The following EZH2 variants were observed in gnomAD, a reference collection of about 807,000 sequenced individuals.
EZH2 encodes enhancer of zeste 2 polycomb repressive complex 2 subunit, also known as histone-lysine N-methyltransferase EZH2.
EZH2 carries 18 observed loss-of-function variants against 98.4 expected under a neutral mutation model. That is an observed-to-expected ratio of 0.18 (90% CI 0.13 to 0.27). The LOEUF is 0.27. Ranked by LOEUF, EZH2 falls within the 10% of genes least tolerant of loss-of-function variation. The pLI, the probability that EZH2 is intolerant of heterozygous loss-of-function variation, is 1.00. For missense variants in EZH2, 470 were observed against 935.1 expected (o/e 0.50, Z 6.49); for synonymous variants, 338 against 312.3 (o/e 1.08, Z -0.87).
intron 12 of EZH2, 80 bp from the exon 13 acceptor site, chr7:148,815,626 TCTG>T: frequency 8.0e-7 from 1 of 1,252,064 alleles, no homozygotes; most frequent in Non-Finnish European, 1.2e-6. Context: ...ACTGGATCTA[TCTG>T]TGCCATGAAT....
chr7:148,877,402 G>A (rs1317597996), intron 1 of EZH2, among the ~76,000 whole-genome samples: 1 of 152,134 alleles, frequency 6.6e-6, no homozygotes, highest in Non-Finnish European at 1.5e-5. Context: ...GAAGTGTTTG[G>A]TTCCATTAAT....
rs145647456 is a variant in EZH2 at position 148,860,668 on chromosome 7, A to T, written c.-7-13363T>A. Among the ~76,000 whole-genome samples, 218 of 152,246 alleles carry T rather than the reference A, an allele frequency of 1.4e-3. 1 individual carries two copies. Among genetic ancestry groups the T allele is most frequent in the African/African-American group, 4.7e-3 (195 of 41,546 alleles). On this transcript the variant is annotated intron_variant, in intron 1 of 19. Transcript: ENST00000320356. ...AAAACTAAAGAGTTTTTTACAATTT[A>T]CTTTTATTTTATTTTATTTTTTTGA...
chr7:148,817,441 T>C (rs748403575), intron 10 of EZH2, 50 bp from the exon 11 acceptor site: 1 of 1,573,768 alleles, frequency 6.4e-7, no homozygotes, highest in Non-Finnish European at 8.7e-7. Flanking sequence ...GAAATAATAT[T>C]AAGAAGTACA....
intron 3 of EZH2, among the ~76,000 whole-genome samples, chr7:148,840,984 C>T (rs757081420): frequency 1.3e-5 from 2 of 152,038 alleles, no homozygotes; most frequent in Non-Finnish European, 2.9e-5. Context: ...TTATAAAACA[C>T]AAACTATATA....
At chr7:148,843,208 C>CAAA (rs35317881) in intron 3 of EZH2, among the ~76,000 whole-genome samples, 2 of 75,998 alleles carry the variant, frequency 2.6e-5, no homozygotes, top group African/African-American at 4.6e-5. Context: ...AACTCCGTCT[C>CAAA]AAAAAAAAAA....
intron 1 of EZH2, among the ~76,000 whole-genome samples, chr7:148,859,409 G>C (rs143925669): frequency 6.6e-6 from 1 of 152,040 alleles, no homozygotes; most frequent in African/African-American, 2.4e-5. Context: ...AGGAGGCTGA[G>C]GCATGAGAAT....
intron 8 of EZH2, among the ~76,000 whole-genome samples, chr7:148,820,075 T>C (rs1374402696): frequency 6.6e-6 from 1 of 152,222 alleles, no homozygotes; most frequent in East Asian, 1.9e-4. Context: ...ACATACAATT[T>C]CTTGATTTCT....
At chr7:148,871,359 A>G (rs1819352691) in intron 1 of EZH2, among the ~76,000 whole-genome samples, 1 of 150,386 alleles carries the variant, frequency 6.6e-6, no homozygotes, top group Non-Finnish European at 1.5e-5. Context: ...GTCATCCCAC[A>G]GCATATGCAG....
Position 148,843,786 on chromosome 7 carries a change from G to A in EZH2, c.246+2684C>T, listed in dbSNP as rs890211625. On this transcript the variant is annotated intron_variant, in intron 3 of 19. Transcript: ENST00000320356. ...AATTTTTTGTATTTTTAGTAGAGAC[G>A]GGGTTTCACCTTGTTAGCCAGGATG... Among the ~76,000 whole-genome samples the A allele has an allele frequency of 9.9e-5, 15 of 151,206 alleles. No individual in the cohort carries two copies. In the East Asian group the frequency reaches 2.3e-3, roughly 23 times the overall value.
intron 15 of EZH2, among the ~76,000 whole-genome samples, chr7:148,812,921 A>G (rs1181236212): frequency 6.6e-6 from 1 of 152,234 alleles, no homozygotes; most frequent in Non-Finnish European, 1.5e-5. Flanking sequence ...AGACACAAAC[A>G]AAACCAAGAG....
At chr7:148,846,188 A>G (rs989381408) in intron 3 of EZH2, among the ~76,000 whole-genome samples, 8 of 152,208 alleles carry the variant, frequency 5.3e-5, no homozygotes, top group Non-Finnish European at 5.9e-5. Flanking sequence ...TGAGGACATT[A>G]AAGAGTATTT....
At chr7:148,865,250 G>A (rs571882980) in intron 1 of EZH2, among the ~76,000 whole-genome samples, 2 of 152,206 alleles carry the variant, frequency 1.3e-5, no homozygotes, top group African/African-American at 4.8e-5. Context: ...CAAAATGAAG[G>A]GGTAAGTCAA....
At chr7:148,842,378 G>A (rs1442026308) in intron 3 of EZH2, among the ~76,000 whole-genome samples, 3 of 152,088 alleles carry the variant, frequency 2.0e-5, no homozygotes, top group Non-Finnish European at 4.4e-5. Context: ...TCTTAAACCA[G>A]TTTCTTCATT....
Position 148,814,048 on chromosome 7 carries a change from C to G in EZH2, c.1762G>C (p.Asp588His). The G allele has an allele frequency of 6.2e-7, 1 of 1,614,208 alleles. No individual in the cohort carries two copies. Among genetic ancestry groups the G allele is most frequent in the Non-Finnish European group, 8.5e-7 (1 of 1,180,034 alleles). The change falls in exon 15 of 20, where the codon GAC becomes CAC. Residue 588 changes from aspartate to histidine, a missense_variant. Transcript: ENST00000320356. The stretch of plus-strand genomic sequence containing the variant: ...GCGGCTCCACAAGTAAGACAGAGGT[C>G]AGGGTCACACTCTCGGACAGCCAGG... Reference protein sequence around the residue: ...CYLAVRECDPDLCLTCGAADH... With the variant: ...CYLAVRECDPHLCLTCGAADH...
chr7:148,832,855 A>G, intron 3 of EZH2, 105 bp from the exon 4 acceptor site: 1 of 637,564 alleles, frequency 1.6e-6, no homozygotes, highest in South Asian at 2.8e-5. Flanking sequence ...TTTAATTTTG[A>G]AAAAAAAGTC....
intron 8 of EZH2, 30 bp from the exon 9 acceptor site, chr7:148,819,717 TA>T (rs1805481290): frequency 1.3e-6 from 2 of 1,581,316 alleles, no homozygotes; most frequent in Non-Finnish European, 1.7e-6. Context: ...AAGAATCTAA[TA>T]TAACTATAAA....
chr7:148,872,134 A>G (rs1158578199), intron 1 of EZH2, among the ~76,000 whole-genome samples: 1 of 152,258 alleles, frequency 6.6e-6, no homozygotes, highest in Non-Finnish European at 1.5e-5. Flanking sequence ...ACATACAACG[A>G]AATAGTATAC....
At chr7:148,822,797 C>G (rs1806532180) in intron 8 of EZH2, among the ~76,000 whole-genome samples, 1 of 151,928 alleles carries the variant, frequency 6.6e-6, no homozygotes, top group Non-Finnish European at 1.5e-5. Context: ...AAAATATGAG[C>G]CAGGTGAGGT....
intron 1 of EZH2, among the ~76,000 whole-genome samples, chr7:148,871,576 TC>T (rs1819407849): frequency 7.0e-6 from 1 of 142,072 alleles, no homozygotes; most frequent in Non-Finnish European, 1.5e-5. Flanking sequence ...TAGTGTATTT[TC>T]TTTTTTTTTT....
Sources: allele counts gnomAD v4.1 joint callset (sites outside exome capture counted in the v4.1 genomes callset), GRCh38; gene constraint gnomAD v4.1.1; transcripts MANE v1.5; gene names NCBI Gene and HGNC (gene_info 2026-07-23, HGNC 2026-07-21).